UNC79: variants seen among roughly 807,000 people sequenced by gnomAD.
The protein encoded by UNC79 is protein unc-79 homolog.
UNC79 carries 37 observed loss-of-function variants against 283.1 expected under a neutral mutation model. The ratio of observed to expected loss-of-function variants is 0.13; its 90% CI spans 0.10 to 0.17. The LOEUF is 0.17. Among genes scored for constraint, UNC79 ranks in the 10% least tolerant of loss-of-function variants. The pLI, the probability that UNC79 is intolerant of heterozygous loss-of-function variation, is 1.00. For missense variants in UNC79, 2,272 were observed against 3,211.1 expected, an observed-to-expected ratio of 0.71 and a Z score of 7.07; for synonymous variants, 1,107 against 1,200.2, an observed-to-expected ratio of 0.92 and a Z score of 1.61.
intron 1 of UNC79, chr14:93,333,659 AAC>A (rs2053506636): frequency 2.6e-6 from 1 of 380,982 alleles, no homozygotes; most frequent in African/African-American, 2.1e-5. Flanking sequence ...AATTGATGAA[AAC>A]ACACAGTCGC....
intron 1 of UNC79, among the ~76,000 whole-genome samples, chr14:93,416,604 T>C (rs2055464381): frequency 6.6e-6 from 1 of 152,228 alleles, no homozygotes; most frequent in Non-Finnish European, 1.5e-5. Context: ...TTGATCTGTC[T>C]AATGTTGACA....
chr14:93,652,136 C>T (rs1354095106), intron 35 of UNC79, among the ~76,000 whole-genome samples: 1 of 151,910 alleles, frequency 6.6e-6, no homozygotes, highest in Non-Finnish European at 1.5e-5. Flanking sequence ...GAGTCGGCAC[C>T]CTTTTCTTGT....
chr14:93,567,931 A>G (rs1193102458), intron 14 of UNC79, among the ~76,000 whole-genome samples: 2 of 152,192 alleles, frequency 1.3e-5, no homozygotes, highest in Non-Finnish European at 2.9e-5. Flanking sequence ...AGGCGGGGAC[A>G]ACTCGAAACA....
At chr14:93,481,305 A>G (rs1331409476) in intron 4 of UNC79, among the ~76,000 whole-genome samples, 1 of 152,294 alleles carries the variant, frequency 6.6e-6, no homozygotes, top group Admixed American at 6.5e-5. Context: ...GAATTGAGAA[A>G]GTCATTTGCA....
At chr14:93,630,337 T>C (rs1326658612) in intron 30 of UNC79, among the ~76,000 whole-genome samples, 1 of 152,216 alleles carries the variant, frequency 6.6e-6, no homozygotes, top group Non-Finnish European at 1.5e-5. Context: ...TGTATATTTT[T>C]GTGGAGAGAG....
intron 31 of UNC79, among the ~76,000 whole-genome samples, chr14:93,632,241 G>C (rs964302749): frequency 5.3e-5 from 8 of 152,186 alleles, no homozygotes; most frequent in Admixed American, 4.6e-4. Flanking sequence ...CCAAATGACA[G>C]TTATTTGCCC....
At chr14:93,636,401 A>G (rs1238377671) in intron 31 of UNC79, among the ~76,000 whole-genome samples, 1 of 152,156 alleles carries the variant, frequency 6.6e-6, no homozygotes, top group Non-Finnish European at 1.5e-5. Context: ...AGCGCCAGAA[A>G]AAGTCCTCCT....
At chr14:93,453,664 C>G (rs1566945052) in intron 1 of UNC79, among the ~76,000 whole-genome samples, 1 of 152,194 alleles carries the variant, frequency 6.6e-6, no homozygotes, top group Non-Finnish European at 1.5e-5. Context: ...AAAATTTGGC[C>G]TCAGATTCTC....
chr14:93,415,952 T>G (rs2055444888), intron 1 of UNC79, among the ~76,000 whole-genome samples: 1 of 152,230 alleles, frequency 6.6e-6, no homozygotes, highest in Non-Finnish European at 1.5e-5. Context: ...TCAATTTTGT[T>G]GATCCTTTCA....
intron 14 of UNC79, among the ~76,000 whole-genome samples, chr14:93,570,771 C>T (rs1408832452): frequency 6.6e-6 from 1 of 152,112 alleles, no homozygotes; most frequent in Non-Finnish European, 1.5e-5. Context: ...CTCTTCCAAC[C>T]CAAAGGATCT....
intron 42 of UNC79, among the ~76,000 whole-genome samples, chr14:93,683,527 C>G (rs1227521004): frequency 6.6e-6 from 1 of 152,176 alleles, no homozygotes; most frequent in Non-Finnish European, 1.5e-5. Context: ...TGGGGAGTGG[C>G]TAGCCAGTCT....
chr14:93,523,225 C>T (rs1340538791), intron 7 of UNC79, among the ~76,000 whole-genome samples: 1 of 152,126 alleles, frequency 6.6e-6, no homozygotes, highest in Non-Finnish European at 1.5e-5. Flanking sequence ...TATTACAGGT[C>T]ACTTGGTTCT....
chr14:93,510,077 T>C (rs2059747258), intron 7 of UNC79, among the ~76,000 whole-genome samples: 1 of 152,230 alleles, frequency 6.6e-6, no homozygotes, highest in South Asian at 2.1e-4. Context: ...GGATTATGGC[T>C]TGCACTCTCT....
intron 1 of UNC79, among the ~76,000 whole-genome samples, chr14:93,366,049 CACAATCTTT>C (rs1471540415): frequency 3.3e-5 from 5 of 152,138 alleles, no homozygotes; most frequent in African/African-American, 1.2e-4. Flanking sequence ...TTTATTGTAG[CACAATCTTT>C]GCAGGCAATG....
chr14:93,353,839 CT>C (rs1213777115), intron 1 of UNC79, among the ~76,000 whole-genome samples: 1 of 152,188 alleles, frequency 6.6e-6, no homozygotes, highest in Non-Finnish European at 1.5e-5. Context: ...AGTGCCCTAA[CT>C]TGCTCTAGAG....
intron 8 of UNC79, among the ~76,000 whole-genome samples, chr14:93,526,651 G>A (rs1278477823): frequency 2.0e-5 from 3 of 152,168 alleles, no homozygotes; most frequent in African/African-American, 4.8e-5. Context: ...TAGTGTGGAT[G>A]TAAACCAACC....
chr14:93,577,975 C>A, exon 18 of UNC79: 1 of 1,614,194 alleles, frequency 6.2e-7, no homozygotes, highest in Non-Finnish European at 8.5e-7. Context: ...TTTGGACACC[C>A]AGGAGGAAGG....
chr14:93,483,368 G>A (rs543497457), intron 4 of UNC79, among the ~76,000 whole-genome samples: 84 of 152,144 alleles, frequency 5.5e-4, no homozygotes, highest in Non-Finnish European at 9.0e-4. Context: ...TGGCTACTAA[G>A]CTCTTAAAAT....
intron 1 of UNC79, among the ~76,000 whole-genome samples, chr14:93,370,935 GA>G (rs535271826): frequency 2.3e-4 from 34 of 149,852 alleles, no homozygotes; most frequent in Admixed American, 3.3e-4. Flanking sequence ...GGAGAAGATA[GA>G]AAAAAAAATA....
Sources: gnomAD v4.1 joint callset for allele counts (sites outside exome capture counted in the v4.1 genomes callset) on GRCh38, gnomAD v4.1.1 for gene constraint, MANE v1.5 for transcripts, NCBI Gene and HGNC (gene_info 2026-07-23, HGNC 2026-07-21) for gene names.